TNKS: variants seen among roughly 807,000 people sequenced by gnomAD.
TNKS encodes tankyrase.
In TNKS, 72 loss-of-function variants were observed where a neutral mutation model predicts 135.8. The ratio of observed to expected loss-of-function variants is 0.53; its 90% CI spans 0.44 to 0.64. The LOEUF is 0.64. Ranked by LOEUF, TNKS falls within the 30% of genes least tolerant of loss-of-function variation. The probability of loss-of-function intolerance (pLI) is 0.00; values close to 1 mark genes in which losing one functional copy is unlikely to be tolerated. For synonymous variants in TNKS, 849 were observed against 649.3 expected (o/e 1.31, Z -4.68); for missense variants, 1,769 against 1,674.0 (o/e 1.06, Z -0.99).
intron 20 of TNKS, among the ~76,000 whole-genome samples, chr8:9,759,839 G>A (rs934661161): frequency 6.6e-6 from 1 of 152,122 alleles, no homozygotes; most frequent in Non-Finnish European, 1.5e-5. Flanking sequence ...GCCGGGCGTG[G>A]TGGCGGGCGC....
chr8:9,588,980 C>T lies in TNKS; in HGVS notation c.898+8597C>T, dbSNP rs531235188. 2.0e-5 allele frequency among the ~76,000 whole-genome samples: 3 copies of T among 152,236 alleles called. No homozygotes were observed. The East Asian group carries it at 5.8e-4, about 29-fold the overall frequency. On this transcript the variant is annotated intron_variant, in intron 2 of 26. Transcript: ENST00000310430. Reference sequence around the variant, plus strand: ...AGTGGGGAAAGATGACAGCATTCAGCACATCATGGATATTATTGTCATAGA... The same window carrying T: ...AGTGGGGAAAGATGACAGCATTCAGTACATCATGGATATTATTGTCATAGA...
At chr8:9,674,272 A>G (rs1039183689) in intron 3 of TNKS, among the ~76,000 whole-genome samples, 1 of 152,192 alleles carries the variant, frequency 6.6e-6, no homozygotes. Flanking sequence ...GTGAAGCATG[A>G]AGTGGTTTAC....
At chr8:9,769,130 C>G (rs532648764) in intron 25 of TNKS, among the ~76,000 whole-genome samples, 84 of 152,310 alleles carry the variant, frequency 5.5e-4, no homozygotes, top group Non-Finnish European at 9.6e-4. Flanking sequence ...GTCATACAAT[C>G]CCTGTCACAG....
intron 24 of TNKS, 25 bp downstream of exon 24, chr8:9,765,822 G>A (rs1471029257): frequency 1.9e-6 from 3 of 1,596,874 alleles, no homozygotes. Context: ...AGGGACGGTG[G>A]ACGTCTCCCT....
intron 1 of TNKS, among the ~76,000 whole-genome samples, chr8:9,567,624 A>C (rs1046974561): frequency 2.6e-5 from 4 of 152,156 alleles, no homozygotes; most frequent in Non-Finnish European, 5.9e-5. Flanking sequence ...TCACCGTGTT[A>C]GCGAGGATGG....
chr8:9,770,051 AT>A, intron 25 of TNKS, 54 bp from the exon 26 acceptor site: 1 of 1,502,784 alleles, frequency 6.7e-7, no homozygotes, highest in Non-Finnish European at 9.0e-7. Flanking sequence ...TAGCAGTTAT[AT>A]TATTGTAAGA....
chr8:9,572,252 A>G (rs912676839), intron 1 of TNKS, among the ~76,000 whole-genome samples: 1 of 152,192 alleles, frequency 6.6e-6, no homozygotes, highest in East Asian at 1.9e-4. Context: ...TAAGTATGAA[A>G]GTGTCTTTTC....
intron 12 of TNKS, among the ~76,000 whole-genome samples, chr8:9,721,920 G>A (rs1419575399): frequency 6.6e-6 from 1 of 151,966 alleles, no homozygotes; most frequent in Non-Finnish European, 1.5e-5. Context: ...GGGTGTGGTG[G>A]TGCGTGCCTG....
At position 9,634,080 on chromosome 8, in the gene TNKS, C is replaced by CATAT. The variant is rs35243166; in HGVS notation, c.994+18422_994+18425dup. 5.1e-4 allele frequency among the ~76,000 whole-genome samples: 73 copies of CATAT among 142,186 alleles called. No individual in the cohort carries two copies. The South Asian group carries it at 5.3e-3, about 10-fold the overall frequency. 93.3% of individuals were successfully genotyped at this position (142,186 alleles called of 152,430 possible). ...TAAGGAAAAAAAACTCATTTAACTGCATATATATATATATATATATATGTA... is the reference window on the plus strand; with the variant it reads ...TAAGGAAAAAAAACTCATTTAACTGCATATATATATATATATATATATATATGTA... On this transcript the variant is annotated intron_variant, in intron 3 of 26. Transcript: ENST00000310430.
intron 20 of TNKS, among the ~76,000 whole-genome samples, chr8:9,754,049 A>G (rs962770307): frequency 8.5e-5 from 13 of 152,102 alleles, no homozygotes; most frequent in Admixed American, 5.2e-4. Flanking sequence ...TGTCCTCTCT[A>G]TCTCTTCTAA....
At chr8:9,755,841 C>A (rs992902383) in intron 20 of TNKS, among the ~76,000 whole-genome samples, 16 of 152,096 alleles carry the variant, frequency 1.1e-4, no homozygotes, top group African/African-American at 3.9e-4. Flanking sequence ...CAGAAGAAAA[C>A]CTTCGGCACA....
chr8:9,574,930 A>T (rs1797887822), intron 1 of TNKS: 3 of 592,152 alleles, frequency 5.1e-6, no homozygotes, highest in Non-Finnish European at 6.4e-6. Flanking sequence ...GAGGCTTAGA[A>T]ATATAGCACT....
chr8:9,696,688 A>T (rs905533264), intron 5 of TNKS, among the ~76,000 whole-genome samples: 1 of 152,156 alleles, frequency 6.6e-6, no homozygotes, highest in African/African-American at 2.4e-5. Context: ...CAAGATCTCA[A>T]TCCCATTTAC....
In TNKS at chr8:9,733,302, C is replaced by A; in HGVS notation, c.2171C>A (p.Ala724Asp). 1 of 1,576,774 alleles carries A rather than the reference C, an allele frequency of 6.3e-7. No homozygotes were observed. The highest frequency in any genetic ancestry group is 2.2e-5 in the East Asian group (1 of 44,492). ...DKGGLVPLHN[A>D]CSYGHYEVAE... ...AGTGGCTTGGTGCCCCTTCATAATG[C>A]CTGTTCATATGGACACTATGAGGTG... The change falls in exon 15 of 27, where the codon GCC becomes GAC. Residue 724 changes from alanine to aspartate, a missense_variant. Physicochemically the swap from Ala to Asp is moderately radical, Grantham distance 126. Coordinates refer to ENST00000310430, the MANE Select transcript of TNKS (RefSeq NM_003747.3).
At chr8:9,611,792 G>A (rs749739822) in intron 2 of TNKS, among the ~76,000 whole-genome samples, 1 of 152,202 alleles carries the variant, frequency 6.6e-6, no homozygotes, top group Non-Finnish European at 1.5e-5. Flanking sequence ...TTGAGAAATT[G>A]CTTGGGGAAT....
At chr8:9,708,297 T>A in intron 8 of TNKS, 74 bp from the exon 9 acceptor site, 1 of 1,252,474 alleles carries the variant, frequency 8.0e-7, no homozygotes, top group East Asian at 2.6e-5. Context: ...ATATTCCTAC[T>A]TATTTATAAT....
intron 22 of TNKS, among the ~76,000 whole-genome samples, chr8:9,764,138 GTTAA>G (rs1002046859): frequency 1.3e-5 from 2 of 152,048 alleles, no homozygotes; most frequent in East Asian, 3.9e-4. Context: ...TTTTTATTGA[GTTAA>G]TTCTCTGAGA....
intron 11 of TNKS, among the ~76,000 whole-genome samples, chr8:9,716,607 C>A (rs1804611828): frequency 6.6e-6 from 1 of 152,070 alleles, no homozygotes; most frequent in East Asian, 1.9e-4. Flanking sequence ...AAGACCAGAA[C>A]AAGGAATTTA....
chr8:9,581,465 C>T (rs935167131), intron 2 of TNKS, among the ~76,000 whole-genome samples: 3 of 152,184 alleles, frequency 2.0e-5, no homozygotes, highest in Non-Finnish European at 4.4e-5. Context: ...TAGCCACATC[C>T]TGGACCAAGT....
Sources: gnomAD v4.1 joint callset for allele counts (sites outside exome capture counted in the v4.1 genomes callset) on GRCh38, gnomAD v4.1.1 for gene constraint, MANE v1.5 for transcripts, NCBI Gene and HGNC (gene_info 2026-07-23, HGNC 2026-07-21) for gene names.